SH3RF2: variants seen among roughly 807,000 people sequenced by gnomAD.
SH3RF2 encodes SH3 domain containing ring finger 2.
SH3RF2 carries 43 observed loss-of-function variants against 59.0 expected under a neutral mutation model. The ratio of observed to expected loss-of-function variants is 0.73; its 90% CI spans 0.57 to 0.94. The LOEUF is 0.94. SH3RF2 is among the 40% of genes least tolerant of loss of function. SH3RF2 has a pLI of 0.00. For missense variants in SH3RF2, 930 were observed against 940.1 expected (o/e 0.99, Z 0.14); for synonymous variants, 391 against 391.5 (o/e 1.00, Z 0.01).
At chr5:145,941,968 G>A (rs1005773821) in intron 2 of SH3RF2, among the ~76,000 whole-genome samples, 1 of 152,152 alleles carries the variant, frequency 6.6e-6, no homozygotes, top group Admixed American at 6.5e-5. Context: ...CCCTTATTAA[G>A]CAAGTGCCAT....
chr5:146,013,699 C>T (rs1760994439), intron 4 of SH3RF2, 48 bp from the exon 5 acceptor site: 2 of 1,606,122 alleles, frequency 1.2e-6, no homozygotes, highest in East Asian at 2.2e-5. Context: ...TGGCTACTCA[C>T]ATTAGATCAG....
chr5:146,066,014 T>C (rs2150026536), downstream of SH3RF2, among the ~76,000 whole-genome samples: 1 of 152,250 alleles, frequency 6.6e-6, no homozygotes, highest in Non-Finnish European at 1.5e-5. Flanking sequence ...GATAAACACA[T>C]CCCCTCATGT....
chr5:146,029,562 C>T (rs1246673169), intron 5 of SH3RF2, among the ~76,000 whole-genome samples: 1 of 152,152 alleles, frequency 6.6e-6, no homozygotes, highest in Non-Finnish European at 1.5e-5. Flanking sequence ...CCATGCTGGG[C>T]TCGGGGTACA....
At chr5:146,056,445 G>A (rs1762674502) in intron 8 of SH3RF2, among the ~76,000 whole-genome samples, 1 of 152,238 alleles carries the variant, frequency 6.6e-6, no homozygotes, top group Non-Finnish European at 1.5e-5. Context: ...GGTGATGGCA[G>A]CCCTGAGTGC....
chr5:146,025,482 C>T (rs970300616), intron 5 of SH3RF2, among the ~76,000 whole-genome samples: 23 of 152,246 alleles, frequency 1.5e-4, no homozygotes, highest in Non-Finnish European at 2.1e-4. Flanking sequence ...GAGAAAGAGG[C>T]CCAAGTTTGT....
At chr5:146,071,124 G>A (rs1763227739) in intron 9 of SH3RF2, among the ~76,000 whole-genome samples, 1 of 152,144 alleles carries the variant, frequency 6.6e-6, no homozygotes, top group Admixed American at 6.5e-5. Flanking sequence ...TTTGCATTCA[G>A]GAGACCCTCA....
chr5:146,032,438 A>G (rs1028114678), intron 5 of SH3RF2, among the ~76,000 whole-genome samples: 3 of 152,188 alleles, frequency 2.0e-5, no homozygotes, highest in African/African-American at 7.2e-5. Flanking sequence ...CTTACATACT[A>G]GGATCCTAAA....
intron 2 of SH3RF2, among the ~76,000 whole-genome samples, chr5:145,994,011 C>T (rs1297979248): frequency 6.6e-6 from 1 of 152,226 alleles, no homozygotes; most frequent in East Asian, 1.9e-4. Context: ...ACCCAAGTCA[C>T]CTCTTGAATG....
intron 7 of SH3RF2, 187 bp from the exon 8 acceptor site, chr5:146,055,794 G>T: frequency 1.6e-6 from 1 of 632,700 alleles, no homozygotes; most frequent in South Asian, 1.9e-5. Flanking sequence ...TTATCCGGGT[G>T]TAGGGAGGTG....
intron 2 of SH3RF2, among the ~76,000 whole-genome samples, chr5:145,960,039 G>A (rs575122181): frequency 3.3e-5 from 5 of 152,286 alleles, no homozygotes; most frequent in East Asian, 3.9e-4. Flanking sequence ...ATGTATGCAT[G>A]TATGTATGTA....
At chr5:146,019,520 A>G (rs979652231) in intron 5 of SH3RF2, among the ~76,000 whole-genome samples, 8 of 152,232 alleles carry the variant, frequency 5.3e-5, no homozygotes, top group African/African-American at 1.7e-4. Flanking sequence ...TAGCCTTGTA[A>G]TATAATCTGA....
intron 5 of SH3RF2, among the ~76,000 whole-genome samples, chr5:146,023,711 A>C (rs752012822): frequency 2.6e-5 from 4 of 151,990 alleles, no homozygotes; most frequent in Non-Finnish European, 5.9e-5. Context: ...CATTTCCTTT[A>C]CTCCAAAAAG....
At chr5:146,055,756 C>G (rs375747174) in intron 7 of SH3RF2, 2 of 578,572 alleles carry the variant, frequency 3.5e-6, no homozygotes, top group South Asian at 2.1e-5. Context: ...TATGAGCCCC[C>G]CTTCCTTCCC....
downstream of SH3RF2, among the ~76,000 whole-genome samples, chr5:146,066,272 G>A (rs1173371630): frequency 2.0e-5 from 3 of 152,194 alleles, no homozygotes; most frequent in Non-Finnish European, 2.9e-5. Flanking sequence ...AGCCTAGAAC[G>A]CTCGGCTGCG....
intron 5 of SH3RF2, among the ~76,000 whole-genome samples, chr5:146,023,494 C>A (rs2149999213): frequency 1.3e-5 from 2 of 152,310 alleles, no homozygotes; most frequent in South Asian, 4.1e-4. Flanking sequence ...CAGGTGTGAG[C>A]CACTGAGGCT....
intron 5 of SH3RF2, among the ~76,000 whole-genome samples, chr5:146,022,877 ACACACACACAC>A (rs879780572): frequency 0.076 from 555 of 7,312 alleles, 6 homozygotes; most frequent in African/African-American, 0.077. Context: ...CCATCTAAAC[ACACACACACAC>A]ACACACACAC....
chr5:146,017,392 C>T (rs190835497), intron 5 of SH3RF2, among the ~76,000 whole-genome samples: 14 of 152,246 alleles, frequency 9.2e-5, no homozygotes, highest in Middle Eastern at 3.4e-3. Flanking sequence ...GTGCAGGGCC[C>T]TCCCTGGAGA....
At chr5:146,000,889 T>C (rs1342863182) in intron 3 of SH3RF2, among the ~76,000 whole-genome samples, 1 of 152,208 alleles carries the variant, frequency 6.6e-6, no homozygotes, top group African/African-American at 2.4e-5. Context: ...TTAGAAACAA[T>C]TTGATAACAT....
rs142385973 is a variant in SH3RF2 at position 145,938,216 on chromosome 5, G to T, written c.288G>T (p.Leu96Phe). The T allele has an allele frequency of 1.9e-6, 3 of 1,612,530 alleles. No individual in the cohort carries two copies. In the African/African-American group the frequency reaches 4.0e-5, roughly 22 times the overall value. ...GSFRRPGTMT[L>F]QDGRKSRTNP... The stretch of plus-strand genomic sequence containing the variant: ...TCCGCAGGCCTGGCACGATGACCTT[G>T]CAGGATGGCAGGAAAAGCAGGACCA... Residue 96 changes from leucine (L) to phenylalanine (F), a missense_variant, in exon 2 of 10, where the codon TTG becomes TTT. By Grantham distance (22) the Leu-to-Phe change is conservative (BLOSUM62 0). Coordinates refer to ENST00000359120, the MANE Select transcript of SH3RF2 (RefSeq NM_152550.4).
Sources: gnomAD v4.1 joint callset for allele counts (sites outside exome capture counted in the v4.1 genomes callset) on GRCh38, gnomAD v4.1.1 for gene constraint, MANE v1.5 for transcripts, NCBI Gene and HGNC (gene_info 2026-07-23, HGNC 2026-07-21) for gene names.